LIPG: variants seen among roughly 807,000 people sequenced by gnomAD.
LIPG encodes the protein endothelial lipase.
Under a neutral mutation model 51.8 loss-of-function variants are expected in LIPG, and 34 were observed. The ratio of observed to expected loss-of-function variants is 0.66; its 90% CI spans 0.50 to 0.87. LIPG has a LOEUF of 0.87. LIPG is among the 40% of genes least tolerant of loss of function. The pLI, the probability that LIPG is intolerant of heterozygous loss-of-function variation, is 0.00. For synonymous variants in LIPG, 246 were observed against 246.1 expected (o/e 1.00, Z 0.00); for missense variants, 580 against 652.7 (o/e 0.89, Z 1.21).
chr18:49,578,302 C>T (rs1484777630), intron 5 of LIPG, among the ~76,000 whole-genome samples: 3 of 143,824 alleles, frequency 2.1e-5, no homozygotes, highest in Admixed American at 6.8e-5. Flanking sequence ...CCTCACTTCT[C>T]AGACGGGGCA....
At position 49,581,453 on chromosome 18, in the gene LIPG, G is replaced by A. The variant is rs138921240; in HGVS notation, c.832G>A (p.Val278Ile). The change falls in exon 6 of 10, where the codon GTC becomes ATC. Residue 278 changes from valine to isoleucine, a missense_variant. Coordinates refer to ENST00000261292, the MANE Select transcript of LIPG (RefSeq NM_006033.4). ...EVVKCEHERA[V>I]HLFVDSLVNQ... ...GGTAAAATGTGAGCATGAGCGAGCC[G>A]TCCACCTCTTTGTTGACTCTCTGGT... 4.2e-5 allele frequency: 67 copies of A among 1,614,030 alleles called. No individual in the cohort carries two copies. Among genetic ancestry groups the A allele is most frequent in the Admixed American group, 6.7e-5 (4 of 59,992 alleles).
chr18:49,579,778 C>A, intron 5 of LIPG, among the ~76,000 whole-genome samples: 1 of 68,360 alleles, frequency 1.5e-5, no homozygotes, highest in East Asian at 4.1e-4. Context: ...CTTTTCTTTT[C>A]TTTTCTTTTC....
intron 5 of LIPG, 53 bp from the exon 6 acceptor site, chr18:49,581,362 C>G: frequency 6.2e-7 from 1 of 1,610,534 alleles, no homozygotes; most frequent in Non-Finnish European, 8.5e-7. Flanking sequence ...ATTTGAGTGT[C>G]TAATCATCAA....
At position 49,568,319 on chromosome 18, in the gene LIPG, C is replaced by T. The variant is rs547115420; in HGVS notation, c.459+698C>T. 3.3e-5 allele frequency among the ~76,000 whole-genome samples: 5 copies of T among 152,154 alleles called. No homozygotes were observed. The East Asian group carries it at 7.8e-4, about 24-fold the overall frequency. ...TACTGGGATTACAGGCATGAGCCACCGTGCCCAGCCTGCCTGATACCTCTT... is the reference window on the plus strand; with the variant it reads ...TACTGGGATTACAGGCATGAGCCACTGTGCCCAGCCTGCCTGATACCTCTT... On this transcript the variant is annotated intron_variant, in intron 3 of 9. Coordinates refer to ENST00000261292, the MANE Select transcript of LIPG (RefSeq NM_006033.4).
In LIPG at chr18:49,583,566, A is replaced by G. The variant is rs370475831; in HGVS notation, c.1168A>G (p.Ile390Val). Residue 390 changes from isoleucine to valine, a missense_variant, in exon 8 of 10, where the codon ATC (isoleucine) becomes GTC (valine). Physicochemically the swap from Ile to Val is conservative, Grantham distance 29 (BLOSUM62 3). Transcript: ENST00000261292. ...CTCTCCCACTTGTAGAGTGGAGCGG[A>G]TCGAGCAGAATGCCACCAACACCTT... ...QTLPLEIVER[I>V]EQNATNTFLV... The G allele has an allele frequency of 3.7e-6, 6 of 1,613,946 alleles. No homozygotes were observed. The highest frequency in any genetic ancestry group is 5.1e-6 in the Non-Finnish European group (6 of 1,180,020).
At chr18:49,581,899 T>C (rs2084824632) in intron 6 of LIPG, 5 of 603,064 alleles carry the variant, frequency 8.3e-6, no homozygotes, top group Non-Finnish European at 1.5e-5. Context: ...ATCTTAAATT[T>C]CTATCTTGCA....
In LIPG at chr18:49,581,514, C is replaced by G. The variant is rs61729805; in HGVS notation, c.893C>G (p.Thr298Ser). 1.9e-3 allele frequency: 3,070 copies of G among 1,614,196 alleles called. 53 individuals are homozygous for G. The African/African-American group carries it at 0.035, about 19-fold the overall frequency. Reference sequence around the variant, plus strand: ...AAGCCGAGTTTTGCCTTCCAGTGCACTGACTCCAATCGCTTCAAAAAGGGG... The same window carrying G: ...AAGCCGAGTTTTGCCTTCCAGTGCAGTGACTCCAATCGCTTCAAAAAGGGG... ...QDKPSFAFQC[T>S]DSNRFKKGIC... The change falls in exon 6 of 10, where the codon ACT becomes AGT. Residue 298 changes from threonine (T) to serine (S), a missense_variant. Coordinates refer to ENST00000261292, the MANE Select transcript of LIPG (RefSeq NM_006033.4).
Position 49,595,104 on chromosome 18 carries a change from AT to A in LIPG, c.*4585del, listed in dbSNP as rs1352649551. On this transcript the variant is annotated 3_prime_UTR_variant, in exon 10 of 10. Coordinates refer to ENST00000261292, the MANE Select transcript of LIPG (RefSeq NM_006033.4). The stretch of plus-strand genomic sequence containing the variant: ...AACAGTCTTTGTCATCAAATATGGT[AT>A]TTCTCAGGTGTCACCTCTGTGTTCA... 1 of 152,174 alleles carries A rather than the reference AT, an allele frequency of 6.6e-6. No individual in the cohort carries two copies. The highest frequency in any genetic ancestry group is 2.4e-5 in the African/African-American group (1 of 41,434). The allele number at this position is 152,174 out of a possible 1,614,324, so 9.4% of individuals were successfully genotyped here.
chr18:49,562,135 TGCCACCGCCCGG>T lies in LIPG; in HGVS notation c.-171_-160del. ...GGGCAAGCCGTTGACACTCGCTCCC[TGCCACCGCCCGG>T]GCTCCGTGCCGCCAAGTTTTCATTT... On this transcript the variant is annotated 5_prime_UTR_variant, in exon 1 of 10. Coordinates refer to ENST00000261292, the MANE Select transcript of LIPG (RefSeq NM_006033.4). 2 of 1,465,232 alleles carry T rather than the reference TGCCACCGCCCGG, an allele frequency of 1.4e-6. No homozygotes were observed. The highest frequency in any genetic ancestry group is 9.0e-7 in the Non-Finnish European group (1 of 1,115,328). The allele number at this position is 1,465,232 out of a possible 1,614,324, so 90.8% of individuals were successfully genotyped here. A position where few individuals can be genotyped will look rare whatever the true frequency, so the allele number is the denominator to read the frequency against.
At chr18:49,572,752 A>T (rs1214998310) in intron 4 of LIPG, among the ~76,000 whole-genome samples, 1 of 132,376 alleles carries the variant, frequency 7.6e-6, no homozygotes, top group African/African-American at 2.8e-5. Context: ...AAAAAAAAAA[A>T]GTAGCCGTTG....
chr18:49,582,590 G>T (rs374133354), intron 7 of LIPG, 108 bp downstream of exon 7: 42 of 1,438,384 alleles, frequency 2.9e-5, no homozygotes, highest in South Asian at 2.8e-4. Context: ...GGAGAGTGCA[G>T]TCCGACTGCT....
chr18:49,578,869 A>G (rs1006194739), intron 5 of LIPG, among the ~76,000 whole-genome samples: 2 of 137,522 alleles, frequency 1.5e-5, no homozygotes, highest in Non-Finnish European at 3.1e-5. Context: ...AAAACCAGTC[A>G]GGCGTGGTGG....
At chr18:49,561,813 A>AGCTGGAGCT (rs1398478413), upstream of LIPG, 1 of 1,256,060 alleles carries the variant, frequency 8.0e-7, no homozygotes, top group Non-Finnish European at 1.0e-6. Flanking sequence ...AGTGGGAGAA[A>AGCTGGAGCT]GCTGGAGCTG....
intron 4 of LIPG, 36 bp from the exon 5 acceptor site, chr18:49,575,333 A>C: frequency 6.3e-7 from 1 of 1,580,412 alleles, no homozygotes; most frequent in Non-Finnish European, 8.7e-7. Flanking sequence ...GGTGCACCTG[A>C]CACCACAGCT....
At position 49,562,065 on chromosome 18, in the gene LIPG, G is replaced by A; in HGVS notation, c.-244G>A. The stretch of plus-strand genomic sequence containing the variant: ...CTCTATAGGAGCGTGACAGCAGCGA[G>A]TCCTTGCCTCCCGGCGGCTCAGGAC... On this transcript the variant is annotated 5_prime_UTR_variant, in exon 1 of 10. Transcript: ENST00000261292. 6.9e-7 allele frequency: 1 copy of A among 1,440,530 alleles called. No homozygotes were observed. Among genetic ancestry groups the A allele is most frequent in the Non-Finnish European group, 9.0e-7 (1 of 1,105,254 alleles). 89.2% of individuals were successfully genotyped at this position (1,440,530 alleles called of 1,614,324 possible). A position where few individuals can be genotyped will look rare whatever the true frequency, so the allele number is the denominator to read the frequency against.
chr18:49,578,210 C>T (rs2084750804), intron 5 of LIPG, among the ~76,000 whole-genome samples: 1 of 148,016 alleles, frequency 6.8e-6, no homozygotes, highest in East Asian at 2.0e-4. Flanking sequence ...GGCGGAGAGG[C>T]TCCTCACTTC....
chr18:49,592,972 AC>A lies in LIPG; in HGVS notation c.*2453del, dbSNP rs1180676911. On this transcript the variant is annotated 3_prime_UTR_variant, in exon 10 of 10. Coordinates refer to ENST00000261292, the MANE Select transcript of LIPG (RefSeq NM_006033.4). The stretch of plus-strand genomic sequence containing the variant: ...TTTTGAGACAGAGCCTCTCTCTGTC[AC>A]CCAGGCTGGAGTGCAGTGGCAATCT... The A allele has an allele frequency of 1.6e-5, 2 of 123,300 alleles. No homozygotes were observed. The highest frequency in any genetic ancestry group is 6.4e-5 in the African/African-American group (2 of 31,012). The allele number at this position is 123,300 out of a possible 1,614,324, so 7.6% of individuals were successfully genotyped here.
intron 9 of LIPG, among the ~76,000 whole-genome samples, chr18:49,588,570 CATTACAG>C (rs2084908871): frequency 6.6e-6 from 1 of 152,128 alleles, no homozygotes; most frequent in Admixed American, 6.5e-5. Context: ...AAAGTGCTGG[CATTACAG>C]GTTTGAGCCA....
intron 1 of LIPG, 116 bp downstream of exon 1, chr18:49,562,521 T>C (rs1054369145): frequency 4.7e-6 from 3 of 636,404 alleles, no homozygotes; most frequent in Admixed American, 4.3e-5. Flanking sequence ...CCCACTGCGC[T>C]GCCCATTCTC....
Sources: allele counts gnomAD v4.1 joint callset (sites outside exome capture counted in the v4.1 genomes callset), GRCh38; gene constraint gnomAD v4.1.1; transcripts MANE v1.5; gene names NCBI Gene and HGNC (gene_info 2026-07-23, HGNC 2026-07-21).